PDE6A: variants seen among roughly 807,000 people sequenced by gnomAD.
PDE6A encodes phosphodiesterase 6A.
PDE6A carries 84 observed loss-of-function variants against 106.3 expected under a neutral mutation model. The ratio of observed to expected loss-of-function variants is 0.79; its 90% CI spans 0.66 to 0.95. The LOEUF is 0.95. PDE6A is among the 40% of genes least tolerant of loss of function. The pLI is 0.00. For missense variants in PDE6A, 1,052 were observed against 1,084.9 expected, an observed-to-expected ratio of 0.97 and a Z score of 0.43; for synonymous variants, 394 against 386.6, an observed-to-expected ratio of 1.02 and a Z score of -0.23.
intron 20 of PDE6A, among the ~76,000 whole-genome samples, chr5:149,865,831 T>C: frequency 6.6e-6 from 1 of 152,262 alleles, no homozygotes; most frequent in Admixed American, 6.5e-5. Context: ...CCAGATTATC[T>C]TTTCACAATT....
At chr5:149,897,757 G>A (rs1752809095) in intron 10 of PDE6A, among the ~76,000 whole-genome samples, 1 of 151,916 alleles carries the variant, frequency 6.6e-6, no homozygotes, top group Admixed American at 6.5e-5. Context: ...ATTTTTGTGG[G>A]GTTTTTTTTG....
chr5:149,934,969 G>C (rs1218195251), intron 1 of PDE6A, among the ~76,000 whole-genome samples: 2 of 152,102 alleles, frequency 1.3e-5, no homozygotes, highest in African/African-American at 2.4e-5. Context: ...GGATGGGAGT[G>C]GGGGACTGAC....
intron 1 of PDE6A, 138 bp from the exon 2 acceptor site, chr5:149,934,856 C>CTG: frequency 1.2e-6 from 1 of 824,056 alleles, no homozygotes; most frequent in South Asian, 1.4e-5. Flanking sequence ...TCAGAGATGA[C>CTG]ATCTGTCATG....
chr5:149,865,412 G>GA (rs5872150), intron 20 of PDE6A, among the ~76,000 whole-genome samples: 75,200 of 136,994 alleles, frequency 0.55, 20,793 homozygotes, highest in African/African-American at 0.73. Flanking sequence ...CTGTCTCAAA[G>GA]AAAAAAAAAA....
At chr5:149,883,586 A>G (rs1299480383) in intron 16 of PDE6A, 50 bp from the exon 17 acceptor site, 1 of 1,182,326 alleles carries the variant, frequency 8.5e-7, no homozygotes, top group Middle Eastern at 1.9e-4. Flanking sequence ...GAATAAGGCA[A>G]CACCTGAGCT....
At chr5:149,890,143 G>C (rs1752493080) in intron 13 of PDE6A, among the ~76,000 whole-genome samples, 1 of 151,864 alleles carries the variant, frequency 6.6e-6, no homozygotes, top group Non-Finnish European at 1.5e-5. Context: ...TTTTGGTAGA[G>C]ATGGGGTTTC....
intron 17 of PDE6A, among the ~76,000 whole-genome samples, chr5:149,871,701 A>C (rs571603574): frequency 6.6e-6 from 1 of 152,192 alleles, no homozygotes; most frequent in African/African-American, 2.4e-5. Flanking sequence ...GATGGTTTTC[A>C]TGCTACGAGC....
intron 17 of PDE6A, among the ~76,000 whole-genome samples, chr5:149,878,625 A>G (rs368510240): frequency 1.3e-5 from 2 of 152,074 alleles, no homozygotes; most frequent in East Asian, 1.9e-4. Context: ...GCCTGTTTAC[A>G]CTCCCGCATG....
Position 149,934,715 on chromosome 5 carries a change from C to T in PDE6A, c.478G>A (p.Glu160Lys). 1 of 1,613,780 alleles carries T rather than the reference C, an allele frequency of 6.2e-7. No homozygotes were observed. Among genetic ancestry groups the T allele is most frequent in the Non-Finnish European group, 8.5e-7 (1 of 1,180,018 alleles). Residue 160 changes from glutamate to lysine, a missense_variant, in exon 2 of 22, where the codon GAG (glutamate) becomes AAG (lysine). This residue lies in a region of PDE6A where 913 missense variants were observed against 915.2 expected (regional missense o/e 1.00). Transcript: ENST00000255266. ...IANVPNTEEDEHFCDFVDILT... is the reference protein window; with the variant it reads ...IANVPNTEEDKHFCDFVDILT... The stretch of plus-strand genomic sequence containing the variant: ...ATGTCCACAAAGTCACAGAAATGCT[C>T]ATCCTAAAGGAAGGCAGAGATAAGC...
intron 19 of PDE6A, 62 bp downstream of exon 19, chr5:149,867,663 A>G (rs1022595211): frequency 7.1e-7 from 1 of 1,405,488 alleles, no homozygotes; most frequent in Admixed American, 1.7e-5. Context: ...TGGCGAGGTC[A>G]TATCTAGGTC....
intron 5 of PDE6A, among the ~76,000 whole-genome samples, chr5:149,917,492 C>G (rs1581198764): frequency 6.6e-6 from 1 of 152,142 alleles, no homozygotes; most frequent in East Asian, 1.9e-4. Context: ...CAACTTCCAA[C>G]TCATAAGGGA....
At chr5:149,867,611 G>T in intron 19 of PDE6A, 114 bp downstream of exon 19, 1 of 940,908 alleles carries the variant, frequency 1.1e-6, no homozygotes, top group African/African-American at 1.6e-5. Flanking sequence ...ACTGCATTAG[G>T]AAAAGGTCAT....
chr5:149,902,719 G>A (rs1267691831), intron 8 of PDE6A, among the ~76,000 whole-genome samples: 1 of 151,884 alleles, frequency 6.6e-6, no homozygotes, highest in South Asian at 2.1e-4. Context: ...CTACTTGGGA[G>A]GCTGAGGCAG....
rs985701157 is a variant in PDE6A at position 149,859,269 on chromosome 5, C to T, written c.*1626G>A. The T allele has an allele frequency of 1.3e-5, 2 of 152,068 alleles. No individual in the cohort carries two copies. Among genetic ancestry groups the T allele is most frequent in the Non-Finnish European group, 2.9e-5 (2 of 67,974 alleles). The allele number at this position is 152,068 out of a possible 1,614,324, so 9.4% of individuals were successfully genotyped here. ...AAGTACATCTTCTTTTTTCTAAAAA[C>T]CAACAAAAAGAAACAACTAAATTCA... On this transcript the variant is annotated 3_prime_UTR_variant, in exon 22 of 22. Transcript: ENST00000255266.
intron 17 of PDE6A, among the ~76,000 whole-genome samples, chr5:149,870,844 AAAG>A (rs919924552): frequency 4.5e-4 from 67 of 149,866 alleles, no homozygotes; most frequent in South Asian, 1.5e-3. Context: ...CAAGGTGAAA[AAAG>A]AAGAAGAAAG....
At chr5:149,891,300 T>C (rs1356976003) in intron 13 of PDE6A, among the ~76,000 whole-genome samples, 1 of 151,776 alleles carries the variant, frequency 6.6e-6, no homozygotes, top group African/African-American at 2.4e-5. Context: ...TGAAACCCCG[T>C]CTCTACAAAA....
chr5:149,927,707 T>G (rs1753901455), intron 4 of PDE6A, among the ~76,000 whole-genome samples: 1 of 152,018 alleles, frequency 6.6e-6, no homozygotes, highest in African/African-American at 2.4e-5. Context: ...CAAAAATATT[T>G]TCTTTTTAAA....
intron 6 of PDE6A, among the ~76,000 whole-genome samples, chr5:149,910,213 TAA>T (rs1214937688): frequency 2.6e-3 from 20 of 7,722 alleles, no homozygotes; most frequent in African/African-American, 0.021. Flanking sequence ...ATGATATTAA[TAA>T]CATGGTTATA....
intron 6 of PDE6A, among the ~76,000 whole-genome samples, chr5:149,908,982 G>C (rs1232620976): frequency 6.6e-6 from 1 of 152,046 alleles, no homozygotes; most frequent in Non-Finnish European, 1.5e-5. Context: ...TAATAAAACT[G>C]TTATATTTCT....
Sources: gnomAD v4.1 joint callset for allele counts (sites outside exome capture counted in the v4.1 genomes callset) on GRCh38, gnomAD v4.1.1 for gene constraint, gnomAD v4.1.1 regional missense constraint, MANE v1.5 for transcripts, NCBI Gene and HGNC (gene_info 2026-07-23, HGNC 2026-07-21) for gene names.